Variants in NELL1 observed in about 807,000 individuals in gnomAD.
NELL1 encodes the protein neural EGFL like 1.
Under a neutral mutation model 107.4 loss-of-function variants are expected in NELL1, and 76 were observed. The observed-to-expected ratio is 0.71, with a 90% CI of 0.59 to 0.86. NELL1 has a LOEUF of 0.86. Ranked by LOEUF, NELL1 falls within the 40% of genes least tolerant of loss-of-function variation. The pLI, the probability that NELL1 is intolerant of heterozygous loss-of-function variation, is 0.00. For missense variants in NELL1, 1,024 were observed against 1,005.5 expected, an observed-to-expected ratio of 1.02 and a Z score of -0.25; for synonymous variants, 353 against 341.2, an observed-to-expected ratio of 1.03 and a Z score of -0.38.
rs781698006 is a variant in NELL1, at chr11:20,918,231, C to A, written c.653C>A (p.Thr218Lys). The A allele has an allele frequency of 8.2e-6, 13 of 1,589,942 alleles. No homozygotes were observed. Among genetic ancestry groups the A allele is most frequent in the Non-Finnish European group, 9.5e-6 (11 of 1,159,092 alleles). ...KIIFMPNGYI[T>K]QCPNLNHTCP... ...ATCTTTATGCCGAATGGATATATAA[C>A]ACAGTGTCCAAATCTAAATCACAGT... The change falls in exon 6 of 20, where the codon ACA becomes AAA. Residue 218 changes from threonine (T) to lysine (K), a missense_variant. Physicochemically the swap from Thr to Lys is moderately conservative, Grantham distance 78. Coordinates refer to ENST00000357134, the MANE Select transcript of NELL1 (RefSeq NM_006157.5).
intron 12 of NELL1, among the ~76,000 whole-genome samples, chr11:21,022,980 A>G (rs1048691000): frequency 4.6e-5 from 7 of 152,092 alleles, no homozygotes; most frequent in Non-Finnish European, 1.0e-4. Flanking sequence ...GTGGGGCTGA[A>G]CTGAGGACTA....
chr11:21,164,985 GATTATTTATTTTAAATGATTT>G (rs1358425066), intron 13 of NELL1, among the ~76,000 whole-genome samples: 180 of 151,958 alleles, frequency 1.2e-3, no homozygotes, highest in African/African-American at 4.3e-3. Flanking sequence ...ATAGAGACTT[GATTATTTATTTTAAATGATTT>G]ACCATCAATT....
At chr11:21,536,785 C>G (rs1856150661) in intron 16 of NELL1, among the ~76,000 whole-genome samples, 2 of 152,246 alleles carry the variant, frequency 1.3e-5, no homozygotes, top group African/African-American at 4.8e-5. Context: ...AGGATCAGAC[C>G]TAGGTCAAGA....
At chr11:20,689,431 C>T (rs1295215710) in intron 2 of NELL1, among the ~76,000 whole-genome samples, 2 of 107,592 alleles carry the variant, frequency 1.9e-5, no homozygotes, top group Non-Finnish European at 1.8e-5. Context: ...GCTATCCCTC[C>T]CCCCTCCCCC....
intron 5 of NELL1, 130 bp from the exon 6 acceptor site, chr11:20,918,052 C>A: frequency 1.5e-6 from 1 of 679,746 alleles, no homozygotes; most frequent in Admixed American, 2.3e-5. Context: ...TATACTAAGG[C>A]CAGCTCACCC....
At chr11:20,898,102 T>C (rs1849790071) in intron 5 of NELL1, among the ~76,000 whole-genome samples, 1 of 152,154 alleles carries the variant, frequency 6.6e-6, no homozygotes, top group South Asian at 2.1e-4. Context: ...ATCATGCTAT[T>C]ATAAAGGCAC....
chr11:21,569,029 C>T (rs954094433), intron 17 of NELL1, among the ~76,000 whole-genome samples: 19 of 151,876 alleles, frequency 1.3e-4, no homozygotes, highest in South Asian at 1.0e-3. Flanking sequence ...ACTGGCAGCT[C>T]AGTAGGCTTG....
intron 3 of NELL1, among the ~76,000 whole-genome samples, chr11:20,827,879 C>A (rs1487392650): frequency 6.6e-6 from 1 of 151,184 alleles, no homozygotes; most frequent in African/African-American, 2.4e-5. Flanking sequence ...TAAGTGACTT[C>A]CTTCTGTTGT....
intron 16 of NELL1, among the ~76,000 whole-genome samples, chr11:21,546,863 T>A (rs567910005): frequency 6.6e-6 from 1 of 151,980 alleles, no homozygotes; most frequent in Non-Finnish European, 1.5e-5. Flanking sequence ...TACCTGTGGG[T>A]TTATGAGCAG....
At chr11:21,434,730 A>T (rs1012889667) in intron 15 of NELL1, among the ~76,000 whole-genome samples, 1 of 152,092 alleles carries the variant, frequency 6.6e-6, no homozygotes, top group Admixed American at 6.6e-5. Flanking sequence ...TTCTGCTTTC[A>T]TAAAGAATGT....
chr11:20,793,124 G>C (rs1275015787), intron 3 of NELL1, among the ~76,000 whole-genome samples: 1 of 151,974 alleles, frequency 6.6e-6, no homozygotes, highest in East Asian at 1.9e-4. Flanking sequence ...AAAATATTTA[G>C]GCTGATAATT....
chr11:21,444,951 G>A lies in NELL1; in HGVS notation c.1645+74003G>A, dbSNP rs191878197. Among the ~76,000 whole-genome samples, 397 of 152,016 alleles carry A rather than the reference G, an allele frequency of 2.6e-3. 1 individual carries two copies. The highest frequency in any genetic ancestry group is 9.2e-3 in the African/African-American group (381 of 41,466). The stretch of plus-strand genomic sequence containing the variant: ...GTATACATTGTACATTTTTAGATTT[G>A]AGATTACCATGAGGTTTACAAATAA... On this transcript the variant is annotated intron_variant, in intron 15 of 19. Coordinates refer to ENST00000357134, the MANE Select transcript of NELL1 (RefSeq NM_006157.5).
intron 14 of NELL1, among the ~76,000 whole-genome samples, chr11:21,238,571 A>G: frequency 6.6e-6 from 1 of 152,050 alleles, no homozygotes; most frequent in East Asian, 1.9e-4. Context: ...ATGAGCTTCA[A>G]AGGAGAAAGG....
chr11:21,006,311 C>T (rs1042861096), intron 12 of NELL1, among the ~76,000 whole-genome samples: 1 of 152,120 alleles, frequency 6.6e-6, no homozygotes, highest in African/African-American at 2.4e-5. Context: ...CTGATATGCT[C>T]TTGCCCTCTC....
At chr11:20,709,447 G>C (rs1855057794) in intron 2 of NELL1, among the ~76,000 whole-genome samples, 1 of 152,112 alleles carries the variant, frequency 6.6e-6, no homozygotes, top group Non-Finnish European at 1.5e-5. Context: ...CTATAGCCTT[G>C]TAGTACAATT....
intron 13 of NELL1, among the ~76,000 whole-genome samples, chr11:21,121,652 A>G (rs1855370651): frequency 6.6e-6 from 1 of 152,166 alleles, no homozygotes; most frequent in Admixed American, 6.6e-5. Flanking sequence ...CTATCTCAGA[A>G]GAATAGGAGC....
At chr11:21,360,562 A>C (rs1366109145) in intron 14 of NELL1, among the ~76,000 whole-genome samples, 3 of 152,116 alleles carry the variant, frequency 2.0e-5, no homozygotes, top group Non-Finnish European at 2.9e-5. Context: ...CCATCTTGAT[A>C]ATCTGTCTAG....
At chr11:21,474,602 A>G (rs559433150) in intron 15 of NELL1, among the ~76,000 whole-genome samples, 1 of 152,138 alleles carries the variant, frequency 6.6e-6, no homozygotes, top group African/African-American at 2.4e-5. Context: ...GCAGCTGAGG[A>G]TTTGTACCCC....
At chr11:21,241,003 T>C (rs1056135501) in intron 14 of NELL1, among the ~76,000 whole-genome samples, 2 of 152,038 alleles carry the variant, frequency 1.3e-5, no homozygotes, top group African/African-American at 4.8e-5. Context: ...CTGAGTTACA[T>C]AGATGTTTGT....
Sources: allele counts gnomAD v4.1 joint callset (sites outside exome capture counted in the v4.1 genomes callset), GRCh38; gene constraint gnomAD v4.1.1; transcripts MANE v1.5; gene names NCBI Gene and HGNC (gene_info 2026-07-23, HGNC 2026-07-21).